The following SKAP1 variants were observed in gnomAD, a reference collection of about 807,000 sequenced individuals.
SKAP1 encodes the protein src kinase-associated phosphoprotein 1.
A neutral mutation model predicts 58.5 loss-of-function variants in SKAP1; 44 were observed. The ratio of observed to expected loss-of-function variants is 0.75; its 90% confidence interval spans 0.59 to 0.97. SKAP1 has a LOEUF of 0.97. SKAP1 is among the 50% of genes least tolerant of loss of function. SKAP1 has a pLI of 0.00. For synonymous variants in SKAP1, 127 were observed against 149.7 expected (o/e 0.85, Z 1.11); for missense variants, 390 against 435.2 (o/e 0.90, Z 0.92).
At chr17:48,313,669 G>C (rs1273642213) in intron 4 of SKAP1, among the ~76,000 whole-genome samples, 3 of 152,170 alleles carry the variant, frequency 2.0e-5, no homozygotes, top group Non-Finnish European at 4.4e-5. Flanking sequence ...AGATAAAAGA[G>C]TGGAAACTAG....
chr17:48,339,660 C>T (rs1039170510), intron 4 of SKAP1, among the ~76,000 whole-genome samples: 3 of 152,112 alleles, frequency 2.0e-5, no homozygotes, highest in African/African-American at 7.2e-5. Context: ...ACATTTTACT[C>T]CAAAGTTGTC....
chr17:48,199,732 A>T (rs1485203027), intron 4 of SKAP1, among the ~76,000 whole-genome samples: 1 of 152,146 alleles, frequency 6.6e-6, no homozygotes, highest in Non-Finnish European at 1.5e-5. Flanking sequence ...AAGCAAATAG[A>T]AAAAGGGCTA....
chr17:48,367,561 C>T (rs1040762239), intron 2 of SKAP1, among the ~76,000 whole-genome samples: 1 of 142,174 alleles, frequency 7.0e-6, no homozygotes, highest in African/African-American at 2.6e-5. Context: ...GATATATATC[C>T]ATATATATAT....
At chr17:48,269,033 T>C (rs921602696) in intron 4 of SKAP1, among the ~76,000 whole-genome samples, 35 of 152,068 alleles carry the variant, frequency 2.3e-4, no homozygotes, top group African/African-American at 8.0e-4. Context: ...TCATTTTAGA[T>C]GTAATATACT....
At chr17:48,422,285 C>G (rs1454229727) in intron 1 of SKAP1, among the ~76,000 whole-genome samples, 1 of 152,000 alleles carries the variant, frequency 6.6e-6, no homozygotes, top group Non-Finnish European at 1.5e-5. Flanking sequence ...AGCAAAAGAC[C>G]ATGACTGGGA....
intron 4 of SKAP1, among the ~76,000 whole-genome samples, chr17:48,311,473 C>T (rs1051398880): frequency 3.3e-5 from 5 of 151,882 alleles, no homozygotes; most frequent in African/African-American, 4.8e-5. Context: ...TGCTTTTTTG[C>T]GGGGGAGGAG....
At chr17:48,267,897 G>C (rs553676966) in intron 4 of SKAP1, among the ~76,000 whole-genome samples, 4 of 152,290 alleles carry the variant, frequency 2.6e-5, no homozygotes, top group Admixed American at 2.0e-4. Flanking sequence ...TGATTATACA[G>C]AGGTTGCTTA....
chr17:48,136,251 A>C (rs2063696464), intron 12 of SKAP1, among the ~76,000 whole-genome samples: 1 of 151,316 alleles, frequency 6.6e-6, no homozygotes. Context: ...GGCTCACTGC[A>C]ACCTATGCCT....
intron 4 of SKAP1, among the ~76,000 whole-genome samples, chr17:48,294,853 T>C (rs1460097737): frequency 6.6e-6 from 1 of 152,118 alleles, no homozygotes; most frequent in African/African-American, 2.4e-5. Context: ...AACAGTTACT[T>C]TGAGAGGAAA....
intron 3 of SKAP1, among the ~76,000 whole-genome samples, chr17:48,359,517 A>G (rs543207717): frequency 9.3e-4 from 141 of 152,228 alleles, no homozygotes; most frequent in African/African-American, 3.2e-3. Flanking sequence ...AACCTCTTAA[A>G]TCTCTTAATT....
At chr17:48,203,201 G>C (rs2064751118) in intron 4 of SKAP1, among the ~76,000 whole-genome samples, 1 of 152,274 alleles carries the variant, frequency 6.6e-6, no homozygotes, top group East Asian at 1.9e-4. Context: ...TTTCCTGTCC[G>C]TGCACAGGGA....
chr17:48,414,680 C>CA (rs1432034474), intron 1 of SKAP1, among the ~76,000 whole-genome samples: 1 of 152,058 alleles, frequency 6.6e-6, no homozygotes, highest in African/African-American at 2.4e-5. Context: ...GTAGGAAAAG[C>CA]AAACAGGAAA....
intron 4 of SKAP1, among the ~76,000 whole-genome samples, chr17:48,268,040 T>C (rs896278182): frequency 6.6e-6 from 1 of 152,192 alleles, no homozygotes; most frequent in African/African-American, 2.4e-5. Flanking sequence ...GTGTAAGGTT[T>C]GGAATGCTTT....
At chr17:48,348,750 A>G (rs1445677580) in intron 3 of SKAP1, among the ~76,000 whole-genome samples, 2 of 152,208 alleles carry the variant, frequency 1.3e-5, no homozygotes, top group Non-Finnish European at 2.9e-5. Flanking sequence ...TGGATTTGGC[A>G]CTTGCTTTCC....
At chr17:48,290,822 A>T (rs982361818) in intron 4 of SKAP1, among the ~76,000 whole-genome samples, 1 of 152,232 alleles carries the variant, frequency 6.6e-6, no homozygotes, top group Non-Finnish European at 1.5e-5. Flanking sequence ...TATTCAAAGA[A>T]AAGAAAAATA....
intron 11 of SKAP1, among the ~76,000 whole-genome samples, chr17:48,154,353 G>A (rs1242947124): frequency 6.6e-6 from 1 of 152,218 alleles, no homozygotes; most frequent in Non-Finnish European, 1.5e-5. Flanking sequence ...GACTTTGTCT[G>A]TATGGCTCCC....
intron 2 of SKAP1, among the ~76,000 whole-genome samples, chr17:48,369,816 A>C (rs940170875): frequency 1.3e-5 from 2 of 152,254 alleles, no homozygotes; most frequent in African/African-American, 4.8e-5. Flanking sequence ...ACCACCAACA[A>C]TCAGTTTCAG....
intron 11 of SKAP1, among the ~76,000 whole-genome samples, chr17:48,148,824 AAAG>A (rs2063864597): frequency 6.6e-6 from 1 of 152,228 alleles, no homozygotes; most frequent in African/African-American, 2.4e-5. Context: ...CTTTAAAAAA[AAAG>A]AAGAAAAGTT....
intron 2 of SKAP1, among the ~76,000 whole-genome samples, chr17:48,367,289 A>G (rs1396658949): frequency 6.6e-6 from 1 of 152,070 alleles, no homozygotes; most frequent in Non-Finnish European, 1.5e-5. Context: ...TGGTAATACT[A>G]TAATTAAGTA....
Sources: allele counts gnomAD v4.1 joint callset (sites outside exome capture counted in the v4.1 genomes callset), GRCh38; gene constraint gnomAD v4.1.1; transcripts MANE v1.5; gene names NCBI Gene and HGNC (gene_info 2026-07-23, HGNC 2026-07-21).